Variants in GLA observed in about 807,000 individuals in gnomAD.
GLA encodes the protein galactosidase alpha.
GLA carries 4 observed loss-of-function variants against 28.2 expected under a neutral mutation model. The observed-to-expected ratio is 0.14, with a 90% CI of 0.07 to 0.32. The LOEUF (loss-of-function observed/expected upper bound fraction) is 0.32, where lower values mean the gene tolerates loss of function less well. Among genes scored for constraint, GLA ranks in the 10% least tolerant of loss-of-function variants. GLA has a pLI of 1.00. For missense variants in GLA, 203 were observed against 323.7 expected (o/e 0.63, Z 2.86); for synonymous variants, 94 against 113.0 (o/e 0.83, Z 1.07).
At position 101,400,691 on chromosome X, in the gene GLA, G is replaced by A. The variant is rs886044879; in HGVS notation, c.614C>T (p.Pro205Leu). Reference protein sequence around the residue: ...GRSIVYSCEWPLYMWPFQKPN... With the variant: ...GRSIVYSCEWLLYMWPFQKPN... ...CTTTTGAAAGGGCCACATATAAAGA[G>A]GCCACTCACAGGAGTACACAATGCT... The change falls in exon 4 of 7, where the codon CCT becomes CTT. Residue 205 changes from proline (P) to leucine (L), a missense_variant. Pro to Leu is a moderately conservative substitution (Grantham distance 98). This residue lies in a region of GLA where 162 missense variants were observed against 246.8 expected (regional missense o/e 0.66). Transcript: ENST00000218516. The A allele has an allele frequency of 8.5e-7, 1 of 1,179,103 alleles. No individual in the cohort carries two copies. Among genetic ancestry groups the A allele is most frequent in the East Asian group, 3.0e-5 (1 of 33,719 alleles).
chrX:101,407,876 G>A lies in GLA; in HGVS notation c.28C>T (p.Leu10=), dbSNP rs727503073. Residue 10 remains leucine, a synonymous_variant, in exon 1 of 7, where the codon CTG becomes TTG. Coordinates refer to ENST00000218516, the MANE Select transcript of GLA (RefSeq NM_000169.3). MQLRNPELH[L]GCALALRFLA... ...AAGCGAAGCGCAAGCGCGCAGCCCA[G>A]ATGTAGTTCTGGGTTCCTCAGCTGC... 2 of 1,211,612 alleles carry A rather than the reference G, an allele frequency of 1.7e-6. No homozygotes were observed. The highest frequency in any genetic ancestry group is 2.2e-6 in the Non-Finnish European group (2 of 895,084).
At chrX:101,398,606 G>A in intron 5 of GLA, 39 bp from the exon 6 acceptor site, 2 of 1,129,247 alleles carry the variant, frequency 1.8e-6, no homozygotes, top group Non-Finnish European at 2.4e-6. Context: ...AAGAGAGGAG[G>A]AAACATTCTT....
chrX:101,398,540 A>G lies in GLA; in HGVS notation c.829T>C (p.Trp277Arg). 1 of 1,206,749 alleles carries G rather than the reference A, an allele frequency of 8.3e-7. No individual in the cohort carries two copies. Among genetic ancestry groups the G allele is most frequent in the East Asian group, 3.0e-5 (1 of 33,842 alleles). The change falls in exon 6 of 7, where the codon TGG becomes CGG. Residue 277 changes from tryptophan to arginine, a missense_variant. Physicochemically the swap from Trp to Arg is moderately radical, Grantham distance 101 (BLOSUM62 -3). Around this residue, in one of 3 missense-constraint regions of GLA, gnomAD observed 162 missense variants for 246.8 expected, o/e 0.66. Coordinates refer to ENST00000218516, the MANE Select transcript of GLA (RefSeq NM_000169.3). The stretch of plus-strand genomic sequence containing the variant: ...GCCATCTGAGTTACTTGCTGATTCC[A>G]GCTGAGGCCAAAGTTGCCAATCACT... ...MLVIGNFGLS[W>R]NQQVTQMALW...
chrX:101,400,977 A>C, intron 3 of GLA: 1 of 263,917 alleles, frequency 3.8e-6, no homozygotes, highest in Non-Finnish European at 6.6e-6. Context: ...CTGGGATTAC[A>C]GGCATGTGCC....
intron 1 of GLA, among the ~76,000 whole-genome samples, chrX:101,407,160 C>A (rs1039234074): frequency 1.8e-5 from 2 of 112,006 alleles, no homozygotes; most frequent in Non-Finnish European, 3.8e-5. Flanking sequence ...ATCTCAGCGA[C>A]CTTATGGTCT....
intron 1 of GLA, among the ~76,000 whole-genome samples, chrX:101,406,209 C>T (rs782545052): frequency 2.5e-5 from 2 of 78,718 alleles, no homozygotes; most frequent in Admixed American, 3.0e-4. Context: ...GAGACCCCGT[C>T]TCAAAAAAAA....
intron 1 of GLA, among the ~76,000 whole-genome samples, chrX:101,406,745 C>G (rs1240286322): frequency 8.9e-6 from 1 of 112,288 alleles, no homozygotes; most frequent in Non-Finnish European, 1.9e-5. Flanking sequence ...GATTCCTAAC[C>G]TTTTTTAAAT....
In GLA at chrX:101,397,997, C is replaced by G. The variant is rs144994244; in HGVS notation, c.1102G>C (p.Ala368Pro). ...ACTCCTTTACCCAGGGAAGCAACTG[C>G]GATGGTATAAGAGCGAGGTCCACCA... The part of the protein sequence containing the change: ...EIGGPRSYTI[A>P]VASLGKGVAC... The change falls in exon 7 of 7, where the codon GCA becomes CCA. Residue 368 changes from alanine (A) to proline (P), a missense_variant. Transcript: ENST00000218516. 4.6e-5 allele frequency: 56 copies of G among 1,208,470 alleles called. No individual in the cohort carries two copies. The highest frequency in any genetic ancestry group is 5.6e-5 in the Non-Finnish European group (50 of 893,819).
intron 2 of GLA, among the ~76,000 whole-genome samples, chrX:101,403,594 A>G (rs1928393598): frequency 9.1e-6 from 1 of 110,083 alleles, no homozygotes; most frequent in Non-Finnish European, 1.9e-5. Context: ...TGCCCAGCTA[A>G]TTTTTTGTAC....
chrX:101,399,687 C>A (rs1212535041), intron 4 of GLA: 1 of 112,408 alleles, frequency 8.9e-6, no homozygotes, highest in Admixed American at 9.4e-5. Context: ...CAACACTTAA[C>A]CATATGCGAG....
chrX:101,398,707 A>G, intron 5 of GLA, 78 bp downstream of exon 5: 7 of 1,083,550 alleles, frequency 6.5e-6, no homozygotes, highest in Non-Finnish European at 9.0e-6. Context: ...CAGGAACTTT[A>G]CCTGTATTTA....
intron 2 of GLA, 140 bp from the exon 3 acceptor site, chrX:101,401,949 A>G (rs991305661): frequency 5.3e-6 from 3 of 566,664 alleles, no homozygotes; most frequent in Middle Eastern, 5.2e-4. Flanking sequence ...AAACCCCCAA[A>G]ATCATCCAGA....
At chrX:101,401,249 A>T (rs1340961656) in intron 3 of GLA, 1 of 244,899 alleles carries the variant, frequency 4.1e-6, no homozygotes, top group African/African-American at 2.9e-5. Context: ...GACTGCTGGG[A>T]TTGTTCTGAG....
intron 2 of GLA, among the ~76,000 whole-genome samples, chrX:101,403,081 C>T (rs993976345): frequency 4.6e-5 from 5 of 109,165 alleles, no homozygotes; most frequent in Admixed American, 3.9e-4. Context: ...GGGCGGATCA[C>T]GAGGTCAGGA....
rs869312344 is a variant in GLA at position 101,400,700 on chromosome X, C to G, written c.605G>C (p.Cys202Ser). The G allele has an allele frequency of 8.4e-7, 1 of 1,191,267 alleles. No individual in the cohort carries two copies. Among genetic ancestry groups the G allele is most frequent in the East Asian group, 3.0e-5 (1 of 33,777 alleles). ...GGGCCACATATAAAGAGGCCACTCA[C>G]AGGAGTACACAATGCTTCTGCCAGT... is the stretch of plus-strand genomic sequence containing the variant. ...NRTGRSIVYS[C>S]EWPLYMWPFQ... The change falls in exon 4 of 7, where the codon TGT becomes TCT. Residue 202 changes from cysteine to serine, a missense_variant. Around this residue, in one of 3 missense-constraint regions of GLA, gnomAD observed 162 missense variants for 246.8 expected, o/e 0.66. Coordinates refer to ENST00000218516, the MANE Select transcript of GLA (RefSeq NM_000169.3).
At chrX:101,405,232 A>G (rs1265724330) in intron 1 of GLA, among the ~76,000 whole-genome samples, 4 of 92,635 alleles carry the variant, frequency 4.3e-5, no homozygotes, top group Non-Finnish European at 8.5e-5. Flanking sequence ...GCGAAACTCC[A>G]GCTCAAAAAA....
Position 101,403,815 on chromosome X carries a change from T to G in GLA, c.365A>C (p.Asn122Thr). Residue 122 changes from asparagine (N) to threonine (T), a missense_variant, in exon 2 of 7, where the codon AAT (asparagine) becomes ACT (threonine). Asn to Thr is a moderately conservative substitution (Grantham distance 65). Coordinates refer to ENST00000218516, the MANE Select transcript of GLA (RefSeq NM_000169.3). ...RFPHGIRQLA[N>T]YVHSKGLKLG... ...GAACATTATCTATAAACTCACATAA[T>G]TAGCTAGCTGGCGAATCCCATGAGG... The G allele has an allele frequency of 8.3e-7, 1 of 1,208,736 alleles. No homozygotes were observed. Among genetic ancestry groups the G allele is most frequent in the Non-Finnish European group, 1.1e-6 (1 of 892,505 alleles).
At position 101,399,747 on chromosome X, in the gene GLA, C is replaced by T. The variant is rs199473684; in HGVS notation, c.640-801G>A. ...TCCCTGCCCTCATGAAACTTACACTCTAGTGGGGAGACATGGTAACAAGTC... is the reference window on the plus strand; with the variant it reads ...TCCCTGCCCTCATGAAACTTACACTTTAGTGGGGAGACATGGTAACAAGTC... On this transcript the variant is annotated intron_variant, in intron 4 of 6. Coordinates refer to ENST00000218516, the MANE Select transcript of GLA (RefSeq NM_000169.3). 1.8e-5 allele frequency: 2 copies of T among 112,340 alleles called. No individual in the cohort carries two copies. The highest frequency in any genetic ancestry group is 5.6e-4 in the East Asian group (2 of 3,599). The allele number at this position is 112,340 out of a possible 1,213,427, so 9.3% of individuals were successfully genotyped here.
At chrX:101,405,648 C>T (rs28452934) in intron 1 of GLA, among the ~76,000 whole-genome samples, 7,553 of 110,515 alleles carry the variant, frequency 0.068, 317 homozygotes, top group African/African-American at 0.15. Context: ...AGGCCGGGTG[C>T]GGTGGCTCAC....
Sources: gnomAD v4.1 joint callset for allele counts (sites outside exome capture counted in the v4.1 genomes callset) on GRCh38, gnomAD v4.1.1 for gene constraint, gnomAD v4.1.1 regional missense constraint, MANE v1.5 for transcripts, NCBI Gene and HGNC (gene_info 2026-07-23, HGNC 2026-07-21) for gene names.